The following FSTL5 variants were observed in gnomAD, a reference collection of about 807,000 sequenced individuals.
FSTL5 encodes the protein follistatin-related protein 5.
Under a neutral mutation model 89.1 loss-of-function variants are expected in FSTL5, and 62 were observed. The observed-to-expected ratio is 0.70, with a 90% CI of 0.57 to 0.86. The LOEUF is 0.86. FSTL5 is among the 40% of genes least tolerant of loss of function. FSTL5 has a pLI of 0.00. For missense variants in FSTL5, 1,057 were observed against 1,001.6 expected (o/e 1.06, Z -0.75); for synonymous variants, 383 against 346.2 (o/e 1.11, Z -1.18).
intron 3 of FSTL5, among the ~76,000 whole-genome samples, chr4:161,997,471 T>A (rs1258876355): frequency 6.6e-6 from 1 of 152,164 alleles, no homozygotes; most frequent in Admixed American, 6.5e-5. Context: ...CTAAAATAGA[T>A]TTACTCTATA....
intron 2 of FSTL5, among the ~76,000 whole-genome samples, chr4:162,093,682 T>C (rs1458454400): frequency 3.3e-5 from 5 of 152,194 alleles, no homozygotes; most frequent in African/African-American, 9.6e-5. Context: ...GTAATCACTA[T>C]GTTTCCTCAC....
At chr4:161,498,084 A>G (rs998125442) in intron 12 of FSTL5, among the ~76,000 whole-genome samples, 1 of 146,756 alleles carries the variant, frequency 6.8e-6, no homozygotes, top group Admixed American at 6.7e-5. Context: ...GTATGTATAT[A>G]TACATATACA....
At chr4:161,922,821 G>A (rs1025573207) in intron 3 of FSTL5, among the ~76,000 whole-genome samples, 2 of 90,420 alleles carry the variant, frequency 2.2e-5, no homozygotes, top group African/African-American at 3.8e-5. Context: ...ATTTAAAAAT[G>A]AATATAGTTG....
At chr4:162,019,600 C>G (rs1460555770) in intron 3 of FSTL5, among the ~76,000 whole-genome samples, 1 of 151,646 alleles carries the variant, frequency 6.6e-6, no homozygotes, top group Non-Finnish European at 1.5e-5. Context: ...CATTTTGTAC[C>G]TAAACACATC....
At chr4:161,870,530 G>A (rs1220416360) in intron 4 of FSTL5, among the ~76,000 whole-genome samples, 2 of 152,022 alleles carry the variant, frequency 1.3e-5, no homozygotes, top group African/African-American at 4.8e-5. Context: ...ATGAATGCAG[G>A]AATATTTTTC....
intron 15 of FSTL5, among the ~76,000 whole-genome samples, chr4:161,431,042 C>G (rs1474383874): frequency 6.6e-6 from 1 of 152,030 alleles, no homozygotes; most frequent in African/African-American, 2.4e-5. Context: ...CAGACCTGCC[C>G]TACAAAAAAT....
chr4:161,593,174 T>A (rs1195727664), intron 7 of FSTL5, among the ~76,000 whole-genome samples: 1 of 152,182 alleles, frequency 6.6e-6, no homozygotes, highest in Non-Finnish European at 1.5e-5. Flanking sequence ...CACTTCATTT[T>A]TGTAAAATGT....
At position 161,476,173 on chromosome 4, in the gene FSTL5, G is replaced by GTTTTTTTTTTTTTTTTTTT. The variant is rs1231231673; in HGVS notation, c.1608+4846_1608+4847insAAAAAAAAAAAAAAAAAAA. 9.8e-3 allele frequency among the ~76,000 whole-genome samples: 787 copies of GTTTTTTTTTTTTTTTTTTT among 80,448 alleles called. 11 individuals are homozygous for GTTTTTTTTTTTTTTTTTTT. Among genetic ancestry groups the GTTTTTTTTTTTTTTTTTTT allele is most frequent in the African/African-American group, 0.014 (264 of 18,448 alleles). 52.8% of individuals were successfully genotyped at this position (80,448 alleles called of 152,430 possible). On this transcript the variant is annotated intron_variant, in intron 13 of 15. Coordinates refer to ENST00000306100, the MANE Select transcript of FSTL5 (RefSeq NM_020116.5). The stretch of plus-strand genomic sequence containing the variant: ...TTCTTCTCCTTCTTCAAGTTTGCTG[G>GTTTTTTTTTTTTTTTTTTT]TTTTTTTTTTTTTTTGTTTGTTTGT...
chr4:161,603,483 T>C (rs1397636328), intron 7 of FSTL5, among the ~76,000 whole-genome samples: 1 of 152,160 alleles, frequency 6.6e-6, no homozygotes, highest in African/African-American at 2.4e-5. Flanking sequence ...GGTGGCTTTC[T>C]GCCATCCAGG....
intron 12 of FSTL5, among the ~76,000 whole-genome samples, chr4:161,485,175 C>T (rs564557010): frequency 6.6e-6 from 1 of 152,082 alleles, no homozygotes; most frequent in East Asian, 1.9e-4. Context: ...TGGCCATTTG[C>T]AGAAAAAAAG....
rs933237121 is a variant in FSTL5 at position 161,660,385 on chromosome 4, G to A, written c.728-3891C>T. The stretch of plus-strand genomic sequence containing the variant: ...TATAGTTTAGTACAACTTGCAGCGT[G>A]ATTAGTGGGTATTTATGAGGCATTG... On this transcript the variant is annotated intron_variant, in intron 6 of 15. Transcript: ENST00000306100. 2.2e-4 allele frequency among the ~76,000 whole-genome samples: 34 copies of A among 152,144 alleles called. 1 individual carries two copies. The highest frequency in any genetic ancestry group is 1.8e-3 in the Admixed American group (28 of 15,266).
rs1733960921 is a variant in FSTL5, at chr4:161,920,466, C to G, written c.347G>C (p.Arg116Thr). The part of the protein sequence containing the change: ...EFYENHCEVH[R>T]AACLKKQKIT... ...CTTTTGTTTTTTCAGGCAAGCAGCT[C>G]TGTGCACTTCACAGTGGTTTTCATA... The change falls in exon 4 of 16, where the codon AGA becomes ACA. Residue 116 changes from arginine (R) to threonine (T), a missense_variant. Coordinates refer to ENST00000306100, the MANE Select transcript of FSTL5 (RefSeq NM_020116.5). 5 of 1,613,962 alleles carry G rather than the reference C, an allele frequency of 3.1e-6. No homozygotes were observed. Among genetic ancestry groups the G allele is most frequent in the Non-Finnish European group, 4.2e-6 (5 of 1,179,932 alleles).
At chr4:161,644,530 A>G (rs1047529060) in intron 7 of FSTL5, among the ~76,000 whole-genome samples, 3 of 110,530 alleles carry the variant, frequency 2.7e-5, no homozygotes, top group African/African-American at 8.0e-5. Flanking sequence ...CTGTCTCAAA[A>G]AAAAAAAAAA....
chr4:161,685,019 T>C (rs745671128), intron 6 of FSTL5, among the ~76,000 whole-genome samples: 2 of 152,134 alleles, frequency 1.3e-5, no homozygotes, highest in Non-Finnish European at 2.9e-5. Context: ...TTTCCCCTTT[T>C]TATTTTTTTG....
At chr4:161,869,137 T>C (rs1579155918) in intron 4 of FSTL5, among the ~76,000 whole-genome samples, 1 of 150,646 alleles carries the variant, frequency 6.6e-6, no homozygotes, top group African/African-American at 2.4e-5. Flanking sequence ...GAGGCGGAGG[T>C]TGCAGTGAGC....
Position 161,872,141 on chromosome 4 carries a change from GT to G in FSTL5, c.409+48262del, listed in dbSNP as rs1171950770. 1.3e-3 allele frequency among the ~76,000 whole-genome samples: 100 copies of G among 79,552 alleles called. 1 individual carries two copies. Among genetic ancestry groups the G allele is most frequent in the African/African-American group, 5.1e-3 (95 of 18,690 alleles). 52.2% of individuals were successfully genotyped at this position (79,552 alleles called of 152,430 possible). A position where few individuals can be genotyped will look rare whatever the true frequency, so the allele number is the denominator to read the frequency against. ...GCTTTGTAGTTTGTTTTTTTTTTTG[GT>G]TTTTTTTTTTTTTTTTGTAGAGACA... On this transcript the variant is annotated intron_variant, in intron 4 of 15. Coordinates refer to ENST00000306100, the MANE Select transcript of FSTL5 (RefSeq NM_020116.5).
chr4:162,062,876 T>C (rs1023049535), intron 2 of FSTL5, among the ~76,000 whole-genome samples: 1 of 151,758 alleles, frequency 6.6e-6, no homozygotes, highest in South Asian at 2.1e-4. Flanking sequence ...GTAATCAAAT[T>C]TCTATATAGA....
intron 1 of FSTL5, among the ~76,000 whole-genome samples, chr4:162,114,527 TG>T (rs1731560626): frequency 1.2e-5 from 1 of 82,804 alleles, no homozygotes; most frequent in Non-Finnish European, 2.6e-5. Flanking sequence ...TCTTTGTGTG[TG>T]GACACACACA....
intron 13 of FSTL5, 37 bp from the exon 14 acceptor site, chr4:161,459,356 T>A: frequency 7.3e-7 from 1 of 1,372,284 alleles, no homozygotes; most frequent in Non-Finnish European, 1.0e-6. Flanking sequence ...TGTTTTAGAC[T>A]AAACTATTAG....
Sources: allele counts gnomAD v4.1 joint callset (sites outside exome capture counted in the v4.1 genomes callset), GRCh38; gene constraint gnomAD v4.1.1; transcripts MANE v1.5; gene names NCBI Gene and HGNC (gene_info 2026-07-23, HGNC 2026-07-21).